Variants in CAMKMT observed in about 807,000 individuals in gnomAD.
CAMKMT encodes calmodulin-lysine N-methyltransferase.
Under a neutral mutation model 48.0 loss-of-function variants are expected in CAMKMT, and 53 were observed. That is an observed-to-expected ratio of 1.10 (90% CI 0.89 to 1.39). CAMKMT has a LOEUF of 1.39. Among genes scored for constraint, CAMKMT ranks in the 40% most tolerant of loss-of-function variants. The pLI, the probability that CAMKMT is intolerant of heterozygous loss-of-function variation, is 0.00. For synonymous variants in CAMKMT, 165 were observed against 152.3 expected (o/e 1.08, Z -0.61); for missense variants, 428 against 402.7 (o/e 1.06, Z -0.54).
At chr2:44,596,073 C>T (rs926513120) in intron 3 of CAMKMT, among the ~76,000 whole-genome samples, 3 of 151,018 alleles carry the variant, frequency 2.0e-5, no homozygotes, top group East Asian at 1.9e-4. Context: ...CACCATGGCA[C>T]GTATATACCT....
At chr2:44,398,295 G>A (rs1053523274) in intron 3 of CAMKMT, among the ~76,000 whole-genome samples, 1 of 152,164 alleles carries the variant, frequency 6.6e-6, no homozygotes, top group African/African-American at 2.4e-5. Flanking sequence ...TTAAAAGTTT[G>A]TGATGGGAAT....
intron 1 of CAMKMT, among the ~76,000 whole-genome samples, chr2:44,369,190 C>A (rs1678918936): frequency 6.6e-6 from 1 of 152,044 alleles, no homozygotes; most frequent in East Asian, 1.9e-4. Context: ...GAACAAGACC[C>A]TGCTTTTGAT....
chr2:44,437,226 A>G (rs1253360810), intron 3 of CAMKMT, among the ~76,000 whole-genome samples: 1 of 152,198 alleles, frequency 6.6e-6, no homozygotes, highest in Non-Finnish European at 1.5e-5. Context: ...TTTTATAACA[A>G]TAGGTATCAG....
At chr2:44,540,461 C>T (rs919327234) in intron 3 of CAMKMT, among the ~76,000 whole-genome samples, 3 of 152,066 alleles carry the variant, frequency 2.0e-5, no homozygotes, top group Non-Finnish European at 2.9e-5. Context: ...TTTAAAAACT[C>T]AGATACGAGG....
chr2:44,606,818 C>CA (rs1553424526), intron 3 of CAMKMT, among the ~76,000 whole-genome samples: 10 of 151,256 alleles, frequency 6.6e-5, no homozygotes, highest in Admixed American at 2.0e-4. Flanking sequence ...ACCCCCCCCC[C>CA]ACCAAGATTA....
At chr2:44,437,168 A>G (rs888144514) in intron 3 of CAMKMT, among the ~76,000 whole-genome samples, 1 of 152,320 alleles carries the variant, frequency 6.6e-6, no homozygotes, top group East Asian at 1.9e-4. Flanking sequence ...GAAGAATACA[A>G]AGGAGTAGCT....
chr2:44,498,926 G>A (rs1669882775), intron 3 of CAMKMT, among the ~76,000 whole-genome samples: 1 of 152,140 alleles, frequency 6.6e-6, no homozygotes, highest in Non-Finnish European at 1.5e-5. Context: ...GGGGTTGGGG[G>A]AGGGATTTCT....
At chr2:44,502,989 A>G (rs973513534) in intron 3 of CAMKMT, among the ~76,000 whole-genome samples, 4 of 152,108 alleles carry the variant, frequency 2.6e-5, no homozygotes, top group African/African-American at 9.7e-5. Context: ...ATTCTTTGTC[A>G]CAGTTTTATT....
intron 7 of CAMKMT, among the ~76,000 whole-genome samples, chr2:44,722,881 C>T (rs1678546577): frequency 2.0e-5 from 3 of 152,138 alleles, no homozygotes; most frequent in Non-Finnish European, 4.4e-5. Context: ...CCTTTCATTT[C>T]AAGGTCTTGA....
chr2:44,629,433 CTTTTTTTT>C (rs897761983), intron 3 of CAMKMT, among the ~76,000 whole-genome samples: 3 of 125,320 alleles, frequency 2.4e-5, no homozygotes, highest in African/African-American at 8.9e-5. Context: ...TTCTTTCTTT[CTTTTTTTT>C]TTTTTTTTTT....
chr2:44,487,892 T>C (rs1669288571), intron 3 of CAMKMT, among the ~76,000 whole-genome samples: 1 of 152,266 alleles, frequency 6.6e-6, no homozygotes, highest in African/African-American at 2.4e-5. Flanking sequence ...AGCAGGTAGA[T>C]TTTCATATTC....
At chr2:44,620,862 T>C (rs1023375064) in intron 3 of CAMKMT, among the ~76,000 whole-genome samples, 1 of 152,254 alleles carries the variant, frequency 6.6e-6, no homozygotes, top group South Asian at 2.1e-4. Context: ...GGGCAAGTTA[T>C]TCAACTCCTT....
intron 3 of CAMKMT, among the ~76,000 whole-genome samples, chr2:44,488,843 TTGTGTGTGTGTG>T (rs142299931): frequency 7.0e-6 from 1 of 141,966 alleles, no homozygotes; most frequent in Admixed American, 7.1e-5. Flanking sequence ...CTTAGGGTAT[TTGTGTGTGTGTG>T]TGTGTGTGTG....
intron 1 of CAMKMT, among the ~76,000 whole-genome samples, chr2:44,364,182 A>G (rs762744621): frequency 6.6e-6 from 1 of 152,000 alleles, no homozygotes; most frequent in African/African-American, 2.4e-5. Context: ...AAACTACAGC[A>G]CTTATGTTCA....
intron 3 of CAMKMT, among the ~76,000 whole-genome samples, chr2:44,574,072 T>C (rs1279452728): frequency 6.6e-6 from 1 of 152,214 alleles, no homozygotes. Flanking sequence ...AATACAGTAG[T>C]ATATTACAGT....
At chr2:44,362,271 C>A in intron 1 of CAMKMT, 126 bp downstream of exon 1, 1 of 829,044 alleles carries the variant, frequency 1.2e-6, no homozygotes, top group Non-Finnish European at 1.7e-6. Flanking sequence ...TTGCCGGGAG[C>A]CACCTGCGAA....
intron 3 of CAMKMT, among the ~76,000 whole-genome samples, chr2:44,569,880 T>A (rs1340549258): frequency 6.6e-6 from 1 of 152,226 alleles, no homozygotes; most frequent in Non-Finnish European, 1.5e-5. Context: ...AGATTTTATT[T>A]GTGTAAGGAG....
At chr2:44,486,890 C>T (rs1669243235) in intron 3 of CAMKMT, among the ~76,000 whole-genome samples, 1 of 152,144 alleles carries the variant, frequency 6.6e-6, no homozygotes, top group African/African-American at 2.4e-5. Flanking sequence ...TAACATTGTG[C>T]CCAGTACTGA....
chr2:44,498,975 A>G (rs1294253126), intron 3 of CAMKMT, among the ~76,000 whole-genome samples: 1 of 152,208 alleles, frequency 6.6e-6, no homozygotes, highest in Non-Finnish European at 1.5e-5. Flanking sequence ...TTGGGTTGGC[A>G]TAGTGTGAGC....
Sources: gnomAD v4.1 joint callset for allele counts (sites outside exome capture counted in the v4.1 genomes callset) on GRCh38, gnomAD v4.1.1 for gene constraint, MANE v1.5 for transcripts, NCBI Gene and HGNC (gene_info 2026-07-23, HGNC 2026-07-21) for gene names.